The following C1orf87 variants were observed in gnomAD, a reference collection of about 807,000 sequenced individuals.
C1orf87 encodes chromosome 1 open reading frame 87.
In C1orf87, 58 loss-of-function variants were observed where a neutral mutation model predicts 60.5. The observed-to-expected ratio is 0.96, with a 90% CI of 0.78 to 1.19. The LOEUF is 1.19. Ranked by LOEUF, C1orf87 falls within the 50% of genes most tolerant of loss-of-function variation. The pLI, the probability that C1orf87 is intolerant of heterozygous loss-of-function variation, is 0.00. For synonymous variants in C1orf87, 236 were observed against 227.4 expected (o/e 1.04, Z -0.34); for missense variants, 673 against 638.6 (o/e 1.05, Z -0.58).
At chr1:60,052,143 C>A (rs1406959366) in intron 3 of C1orf87, among the ~76,000 whole-genome samples, 1 of 152,144 alleles carries the variant, frequency 6.6e-6, no homozygotes, top group African/African-American at 2.4e-5. Flanking sequence ...GAAAAGAAAC[C>A]TTCCCAATAA....
Position 60,010,377 on chromosome 1 carries a change from A to C in C1orf87, c.1192+15T>G. 1.2e-6 allele frequency: 2 copies of C among 1,609,626 alleles called. No homozygotes were observed. The highest frequency in any genetic ancestry group is 1.7e-6 in the Non-Finnish European group (2 of 1,176,734). On this transcript the variant is annotated intron_variant, in intron 9 of 11. Coordinates refer to ENST00000371201, the MANE Select transcript of C1orf87 (RefSeq NM_152377.3). ...ATGGAAGGTCTCTCTGGAGCAAAAA[A>C]ATAATGGAACTCACCTGTAGGCAAA...
intron 8 of C1orf87, among the ~76,000 whole-genome samples, chr1:60,021,208 C>A (rs1010151650): frequency 1.3e-5 from 2 of 152,182 alleles, no homozygotes; most frequent in African/African-American, 4.8e-5. Context: ...TACTCAGTCT[C>A]AGGTAGTTCC....
intron 7 of C1orf87, among the ~76,000 whole-genome samples, chr1:60,027,390 A>G (rs1557466093): frequency 1.3e-5 from 2 of 152,134 alleles, no homozygotes. Context: ...CCACAAAAAA[A>G]TCTCATGCCC....
chr1:60,049,689 T>C (rs1645399903), intron 3 of C1orf87, among the ~76,000 whole-genome samples: 1 of 152,104 alleles, frequency 6.6e-6, no homozygotes, highest in South Asian at 2.1e-4. Flanking sequence ...ATAGAAGAAA[T>C]CACTCATGTT....
intron 2 of C1orf87, among the ~76,000 whole-genome samples, chr1:60,061,485 T>C (rs1645496312): frequency 6.6e-6 from 1 of 152,124 alleles, no homozygotes; most frequent in African/African-American, 2.4e-5. Context: ...AGATATAAGA[T>C]AGCTTATTTA....
rs760978667 is a variant in C1orf87 at position 60,001,131 on chromosome 1, G to C, written c.1218C>G (p.Ala406=). ...CGGGGACTTCAGGCTCCATTGGAGG[G>C]GCAGGGGCTTTCTTTTCATTCTTCC... ...PTGKNEKKAP[A]PPMEPEVPEM... is the part of the protein sequence containing the mutation. The change falls in exon 10 of 12, where the codon GCC becomes GCG. Residue 406 remains alanine (A), a synonymous_variant. Transcript: ENST00000371201. The C allele has an allele frequency of 4.4e-6, 7 of 1,593,148 alleles. No homozygotes were observed. The South Asian group carries it at 8.0e-5, about 18-fold the overall frequency.
chr1:59,990,662 T>C lies in C1orf87; in HGVS notation c.*11A>G. ...AAGGGAAACATCTGTTCTCACAATA[T>C]GGGCTTGTTATCATAGCTCCTTTAA... On this transcript the variant is annotated 3_prime_UTR_variant, in exon 12 of 12. Coordinates refer to ENST00000371201, the MANE Select transcript of C1orf87 (RefSeq NM_152377.3). 1 of 1,613,328 alleles carries C rather than the reference T, an allele frequency of 6.2e-7. No individual in the cohort carries two copies. The highest frequency in any genetic ancestry group is 8.5e-7 in the Non-Finnish European group (1 of 1,179,520).
intron 7 of C1orf87, among the ~76,000 whole-genome samples, chr1:60,027,988 TTA>T (rs1645211966): frequency 6.6e-6 from 1 of 152,164 alleles, no homozygotes; most frequent in East Asian, 1.9e-4. Context: ...ATTCATTTTC[TTA>T]TCACCATTGG....
intron 8 of C1orf87, chr1:60,011,048 C>T (rs1381747705): frequency 6.6e-6 from 1 of 151,848 alleles, no homozygotes; most frequent in Non-Finnish European, 1.5e-5. Flanking sequence ...TCTTTCTAGC[C>T]TTCACAAGTA....
At chr1:59,995,998 T>C (rs535996754) in intron 11 of C1orf87, among the ~76,000 whole-genome samples, 6 of 152,346 alleles carry the variant, frequency 3.9e-5, no homozygotes, top group Admixed American at 1.3e-4. Flanking sequence ...TCTAGGCTCA[T>C]AACGTATTTT....
intron 8 of C1orf87, among the ~76,000 whole-genome samples, chr1:60,018,826 C>T (rs1166114996): frequency 1.3e-5 from 2 of 152,182 alleles, no homozygotes; most frequent in Non-Finnish European, 2.9e-5. Flanking sequence ...ATTGATGTGG[C>T]TCATAACCTT....
intron 6 of C1orf87, among the ~76,000 whole-genome samples, chr1:60,034,363 T>C (rs1645260486): frequency 2.0e-5 from 3 of 152,208 alleles, no homozygotes. Flanking sequence ...CAGCCAAATG[T>C]ATTTGTTCCT....
At chr1:60,007,334 C>T (rs1205401266) in intron 9 of C1orf87, among the ~76,000 whole-genome samples, 2 of 152,058 alleles carry the variant, frequency 1.3e-5, no homozygotes, top group African/African-American at 4.8e-5. Flanking sequence ...TCTGTTAAAC[C>T]CATCTACTGA....
rs552330553 is a variant in C1orf87, at chr1:60,022,652, A to AT, written c.1127+2748dup. ...GTAGATCTTAGAAACCTCAGCATAC[A>AT]TTTTTTTTCCCTCATTAAGTTGAAA... On this transcript the variant is annotated intron_variant, in intron 8 of 11. Coordinates refer to ENST00000371201, the MANE Select transcript of C1orf87 (RefSeq NM_152377.3). Among the ~76,000 whole-genome samples the AT allele has an allele frequency of 9.2e-5, 14 of 151,922 alleles. No individual in the cohort carries two copies. The East Asian group carries it at 1.5e-3, about 17-fold the overall frequency.
At chr1:60,006,613 T>C (rs1437931797) in intron 9 of C1orf87, among the ~76,000 whole-genome samples, 1 of 151,652 alleles carries the variant, frequency 6.6e-6, no homozygotes, top group Non-Finnish European at 1.5e-5. Flanking sequence ...CCTCTTCTTC[T>C]TCTCTCTTGT....
intron 2 of C1orf87, among the ~76,000 whole-genome samples, chr1:60,070,486 G>A (rs1247134166): frequency 6.6e-6 from 1 of 152,180 alleles, no homozygotes; most frequent in African/African-American, 2.4e-5. Flanking sequence ...GACAGATTCT[G>A]CAGCATGAAT....
At position 60,042,256 on chromosome 1, in the gene C1orf87, C is replaced by T. The variant is rs138742743; in HGVS notation, c.343-1125G>A. 1.1e-3 allele frequency among the ~76,000 whole-genome samples: 162 copies of T among 152,166 alleles called. 2 individuals are homozygous for T. The South Asian group carries it at 0.012, about 11-fold the overall frequency. On this transcript the variant is annotated intron_variant, in intron 3 of 11. Transcript: ENST00000371201. ...TTTATTTATTTATTTATTTTTGAGA[C>T]GGAGTCTTGTTTTTTTTACCCGGGC... is the stretch of plus-strand genomic sequence containing the variant.
intron 3 of C1orf87, among the ~76,000 whole-genome samples, chr1:60,050,004 G>C (rs1645402214): frequency 6.6e-6 from 1 of 151,914 alleles, no homozygotes; most frequent in Non-Finnish European, 1.5e-5. Context: ...TTTAAATATA[G>C]AGACTTTTTG....
intron 6 of C1orf87, among the ~76,000 whole-genome samples, chr1:60,034,497 TG>T (rs1645261431): frequency 6.6e-6 from 1 of 152,178 alleles, no homozygotes; most frequent in Non-Finnish European, 1.5e-5. Flanking sequence ...CCATCTAAAT[TG>T]GGTTTCTTTC....
Sources: allele counts gnomAD v4.1 joint callset (sites outside exome capture counted in the v4.1 genomes callset), GRCh38; gene constraint gnomAD v4.1.1; transcripts MANE v1.5; gene names NCBI Gene and HGNC (gene_info 2026-07-23, HGNC 2026-07-21).